Variants in KCTD3 observed in about 807,000 individuals in gnomAD.
KCTD3 encodes potassium channel tetramerization domain containing 3, also known as BTB/POZ domain-containing protein KCTD3.
In KCTD3, 41 loss-of-function variants were observed where a neutral mutation model predicts 85.8. That is an observed-to-expected ratio of 0.48 (90% CI 0.37 to 0.62). The LOEUF is 0.62. KCTD3 is among the 20% of genes least tolerant of loss of function. KCTD3 has a pLI of 0.00. For missense variants in KCTD3, 724 were observed against 989.9 expected, an observed-to-expected ratio of 0.73 and a Z score of 3.60; for synonymous variants, 338 against 345.4, an observed-to-expected ratio of 0.98 and a Z score of 0.24.
At chr1:215,580,131 C>G in intron 8 of KCTD3, 132 bp downstream of exon 8, 2 of 598,526 alleles carry the variant, frequency 3.3e-6, no homozygotes, top group South Asian at 2.1e-5. Flanking sequence ...TTACCCATGT[C>G]TGTATCATCT....
intron 17 of KCTD3, among the ~76,000 whole-genome samples, chr1:215,619,840 A>G (rs980873959): frequency 1.3e-5 from 2 of 152,146 alleles, no homozygotes; most frequent in Admixed American, 6.5e-5. Flanking sequence ...AAAATTCAGC[A>G]TGTCTGTGAA....
intron 10 of KCTD3, among the ~76,000 whole-genome samples, chr1:215,597,242 AAAG>A (rs1208530813): frequency 6.6e-5 from 10 of 151,846 alleles, no homozygotes; most frequent in Non-Finnish European, 1.2e-4. Flanking sequence ...AAAAAAAAAA[AAAG>A]AAATGTTTCA....
chr1:215,594,391 CT>C (rs1269397893), intron 9 of KCTD3, among the ~76,000 whole-genome samples: 1 of 152,142 alleles, frequency 6.6e-6, no homozygotes, highest in Non-Finnish European at 1.5e-5. Context: ...ATTGCTGGGT[CT>C]TTTGCTACTG....
intron 8 of KCTD3, among the ~76,000 whole-genome samples, chr1:215,583,593 T>G (rs1640008454): frequency 6.6e-6 from 1 of 152,172 alleles, no homozygotes; most frequent in Admixed American, 6.5e-5. Flanking sequence ...CTCCTGGGAA[T>G]GCAGCCCAGC....
chr1:215,567,666 C>A lies in KCTD3; in HGVS notation c.-20C>A, dbSNP rs1659184063. The A allele has an allele frequency of 1.6e-6, 2 of 1,229,840 alleles. No individual in the cohort carries two copies. Among genetic ancestry groups the A allele is most frequent in the Non-Finnish European group, 2.0e-6 (2 of 982,828 alleles). 76.2% of individuals were successfully genotyped at this position (1,229,840 alleles called of 1,614,324 possible). A position where few individuals can be genotyped will look rare whatever the true frequency, so the allele number is the denominator to read the frequency against. On this transcript the variant is annotated 5_prime_UTR_variant, in exon 1 of 18. Transcript: ENST00000259154. Reference sequence around the variant, plus strand: ...CCGGCTGGGGAAGGAGGGCGGCGAGCGCGTCCGGAGCCGCCGGAGATGGCG... The same window carrying A: ...CCGGCTGGGGAAGGAGGGCGGCGAGAGCGTCCGGAGCCGCCGGAGATGGCG...
At chr1:215,590,313 T>C (rs1482785022) in intron 9 of KCTD3, among the ~76,000 whole-genome samples, 1 of 152,216 alleles carries the variant, frequency 6.6e-6, no homozygotes, top group Non-Finnish European at 1.5e-5. Context: ...TAAATGTTTT[T>C]TACATATTCT....
rs200161521 is a variant in KCTD3, at chr1:215,572,257, G to A, written c.84-1529G>A. On this transcript the variant is annotated intron_variant, in intron 1 of 17. Transcript: ENST00000259154. ...ATAAGTTTCAATAAACATTTACTGGGTGTGTGCTAGGTGCTAAGAACAATG... is the reference window on the plus strand; with the variant it reads ...ATAAGTTTCAATAAACATTTACTGGATGTGTGCTAGGTGCTAAGAACAATG... Among the ~76,000 whole-genome samples the A allele has an allele frequency of 2.0e-5, 3 of 152,156 alleles. No individual in the cohort carries two copies. The East Asian group carries it at 5.8e-4, about 29-fold the overall frequency.
intron 8 of KCTD3, among the ~76,000 whole-genome samples, chr1:215,582,584 CAG>C (rs1190817111): frequency 6.6e-6 from 1 of 152,066 alleles, no homozygotes; most frequent in Non-Finnish European, 1.5e-5. Flanking sequence ...GATTTTGAGA[CAG>C]AGTCTTGCAC....
chr1:215,603,879 G>T (rs1046561505), intron 12 of KCTD3, among the ~76,000 whole-genome samples: 1 of 152,144 alleles, frequency 6.6e-6, no homozygotes, highest in African/African-American at 2.4e-5. Flanking sequence ...TACTGTGATA[G>T]AACCTAATAG....
Position 215,567,476 on chromosome 1 carries a change from T to G in KCTD3, c.-210T>G. The G allele has an allele frequency of 3.8e-6, 1 of 265,736 alleles. No homozygotes were observed. The highest frequency in any genetic ancestry group is 7.0e-6 in the Non-Finnish European group (1 of 143,204). The allele number at this position is 265,736 out of a possible 1,614,324, so 16.5% of individuals were successfully genotyped here. On this transcript the variant is annotated 5_prime_UTR_variant, in exon 1 of 18. Transcript: ENST00000259154. Reference sequence around the variant, plus strand: ...AAAGGTGGAGGCCGGGCCGCCCTTGTGCACCGCAGGATTGACCCGGGAAGG... The same window carrying G: ...AAAGGTGGAGGCCGGGCCGCCCTTGGGCACCGCAGGATTGACCCGGGAAGG...
At chr1:215,593,407 G>A (rs1396712133) in intron 9 of KCTD3, among the ~76,000 whole-genome samples, 1 of 152,060 alleles carries the variant, frequency 6.6e-6, no homozygotes, top group Non-Finnish European at 1.5e-5. Context: ...GTTTCTTTTT[G>A]TCATGTATCG....
chr1:215,586,426 GC>G, intron 8 of KCTD3, 68 bp from the exon 9 acceptor site: 1 of 1,198,764 alleles, frequency 8.3e-7, no homozygotes, highest in Non-Finnish European at 1.2e-6. Context: ...TGTTTTTGGT[GC>G]ATTGATGTGT....
chr1:215,577,680 A>G lies in KCTD3; in HGVS notation c.268A>G (p.Ile90Val), dbSNP rs1010745383. Residue 90 changes from isoleucine to valine, a missense_variant, in exon 5 of 18, where the codon ATT becomes GTT. This residue lies in a region of KCTD3 where 97 missense variants were observed against 115.7 expected (regional missense o/e 0.84). Transcript: ENST00000259154. ...TKELDLRGVS[I>V]NVLRHEAEFY... ...TTTGTTTCTTTGTAGGGGAGTGAGT[A>G]TTAATGTTCTCAGGCATGAAGCAGA... 1.9e-6 allele frequency: 3 copies of G among 1,589,300 alleles called. No individual in the cohort carries two copies. In the African/African-American group the frequency reaches 4.0e-5, roughly 21 times the overall value.
At chr1:215,595,022 A>G (rs1221173184) in intron 9 of KCTD3, among the ~76,000 whole-genome samples, 1 of 152,182 alleles carries the variant, frequency 6.6e-6, no homozygotes, top group South Asian at 2.1e-4. Flanking sequence ...TGAGTCTGGC[A>G]TGGATCCCAG....
At position 215,584,631 on chromosome 1, in the gene KCTD3, A is replaced by G. The variant is rs141031950; in HGVS notation, c.627-1864A>G. On this transcript the variant is annotated intron_variant, in intron 8 of 17. Coordinates refer to ENST00000259154, the MANE Select transcript of KCTD3 (RefSeq NM_016121.5). ...CCCAGACAGGTCAGAAACCTTGTACAGGGACCGTGTAGACAAGATATGTGG... is the reference window on the plus strand; with the variant it reads ...CCCAGACAGGTCAGAAACCTTGTACGGGGACCGTGTAGACAAGATATGTGG... Among the ~76,000 whole-genome samples, 24 of 152,316 alleles carry G rather than the reference A, an allele frequency of 1.6e-4. No homozygotes were observed. The East Asian group carries it at 4.6e-3, about 29-fold the overall frequency.
At chr1:215,613,179 A>T (rs1490109596) in intron 15 of KCTD3, among the ~76,000 whole-genome samples, 1 of 152,236 alleles carries the variant, frequency 6.6e-6, no homozygotes, top group African/African-American at 2.4e-5. Flanking sequence ...AAATGAAAAA[A>T]GTAACTTTCC....
chr1:215,591,227 G>T (rs916597856), intron 9 of KCTD3, among the ~76,000 whole-genome samples: 1 of 151,816 alleles, frequency 6.6e-6, no homozygotes, highest in Non-Finnish European at 1.5e-5. Flanking sequence ...GCTATCTCCC[G>T]TTACCTCTTA....
intron 15 of KCTD3, 83 bp downstream of exon 15, chr1:215,612,004 C>A: frequency 1.1e-6 from 1 of 882,086 alleles, no homozygotes; most frequent in East Asian, 2.5e-5. Context: ...ACATATTGAC[C>A]AAAGAGTGCT....
At chr1:215,606,027 T>C (rs1023417656) in intron 13 of KCTD3, among the ~76,000 whole-genome samples, 1 of 152,196 alleles carries the variant, frequency 6.6e-6, no homozygotes, top group Non-Finnish European at 1.5e-5. Context: ...TTTAAATTTC[T>C]ACCATAGCCT....
Sources: gnomAD v4.1 joint callset for allele counts (sites outside exome capture counted in the v4.1 genomes callset) on GRCh38, gnomAD v4.1.1 for gene constraint, gnomAD v4.1.1 regional missense constraint, MANE v1.5 for transcripts, NCBI Gene and HGNC (gene_info 2026-07-23, HGNC 2026-07-21) for gene names.